Variants in ARB2A observed in about 807,000 individuals in gnomAD.
ARB2A encodes ARB2 cotranscriptional regulator A, also known as cotranscriptional regulator ARB2A.
chr5:94,052,314 T>C, the ARB2A span, among the ~76,000 whole-genome samples: 1 of 152,210 alleles, frequency 6.6e-6, no homozygotes, highest in African/African-American at 2.4e-5. Context: ...TGGTATAAAA[T>C]AACTTTTATT....
the ARB2A span, among the ~76,000 whole-genome samples, chr5:93,955,913 G>A: frequency 1.3e-5 from 2 of 152,118 alleles, no homozygotes; most frequent in Admixed American, 1.3e-4. Flanking sequence ...AGAGACCAGT[G>A]GAAATGCCTA....
At chr5:94,069,677 T>A in the ARB2A span, among the ~76,000 whole-genome samples, 1 of 152,288 alleles carries the variant, frequency 6.6e-6, no homozygotes, top group East Asian at 1.9e-4. Context: ...CCAATAGGTA[T>A]GTTAAAAAAC....
At chr5:94,094,493 A>G in the ARB2A span, among the ~76,000 whole-genome samples, 1 of 152,212 alleles carries the variant, frequency 6.6e-6, no homozygotes, top group Non-Finnish European at 1.5e-5. Flanking sequence ...GAGGGACATA[A>G]TTCAGTCAAT....
the ARB2A span, among the ~76,000 whole-genome samples, chr5:93,999,881 CCAAAATA>C: frequency 6.6e-6 from 1 of 152,068 alleles, no homozygotes. Context: ...TTTGCCTTTT[CCAAAATA>C]CCATATATTT....
At chr5:93,800,199 T>C in the ARB2A span, among the ~76,000 whole-genome samples, 1 of 152,152 alleles carries the variant, frequency 6.6e-6, no homozygotes, top group South Asian at 2.1e-4. Context: ...TATTCAGTTA[T>C]TTTACTGGTG....
chr5:93,880,309 A>T, the ARB2A span, among the ~76,000 whole-genome samples: 3 of 151,796 alleles, frequency 2.0e-5, no homozygotes, highest in Admixed American at 2.0e-4. Flanking sequence ...ACCTATAAAT[A>T]AAATATTTTG....
chr5:94,038,381 C>T, the ARB2A span, among the ~76,000 whole-genome samples: 4 of 151,988 alleles, frequency 2.6e-5, no homozygotes, highest in Non-Finnish European at 4.4e-5. Flanking sequence ...TACCACTTCA[C>T]ACCACTCTCC....
the ARB2A span, among the ~76,000 whole-genome samples, chr5:93,758,836 A>C: frequency 3.9e-5 from 6 of 152,180 alleles, no homozygotes; most frequent in African/African-American, 1.4e-4. Flanking sequence ...ACCTCAAGGA[A>C]CTAGAGAAAT....
the ARB2A span, among the ~76,000 whole-genome samples, chr5:93,935,554 T>C: frequency 6.6e-6 from 1 of 152,142 alleles, no homozygotes; most frequent in African/African-American, 2.4e-5. Flanking sequence ...GATGGTGATG[T>C]ATGAGGTTGG....
chr5:93,807,642 C>A, the ARB2A span, among the ~76,000 whole-genome samples: 1 of 151,810 alleles, frequency 6.6e-6, no homozygotes, highest in African/African-American at 2.4e-5. Flanking sequence ...TTTACATCTA[C>A]GTTTAAGAGA....
At chr5:94,058,432 A>C in the ARB2A span, among the ~76,000 whole-genome samples, 2 of 152,188 alleles carry the variant, frequency 1.3e-5, no homozygotes, top group Non-Finnish European at 2.9e-5. Context: ...GATAAAGATA[A>C]AGGAATTAGA....
At chr5:93,782,862 T>C in the ARB2A span, among the ~76,000 whole-genome samples, 7 of 152,102 alleles carry the variant, frequency 4.6e-5, no homozygotes, top group African/African-American at 9.7e-5. Flanking sequence ...TAAGGCTTAA[T>C]TGAGGGAACT....
At chr5:94,032,496 A>G in the ARB2A span, among the ~76,000 whole-genome samples, 4 of 152,188 alleles carry the variant, frequency 2.6e-5, no homozygotes, top group African/African-American at 4.8e-5. Flanking sequence ...CCCATGATCC[A>G]ATCGCTTCCC....
the ARB2A span, among the ~76,000 whole-genome samples, chr5:93,788,772 T>G: frequency 6.6e-6 from 1 of 152,160 alleles, no homozygotes; most frequent in Non-Finnish European, 1.5e-5. Context: ...AGGGAGATGT[T>G]GATGTTATAG....
At chr5:93,868,970 G>A in the ARB2A span, among the ~76,000 whole-genome samples, 1 of 152,066 alleles carries the variant, frequency 6.6e-6, no homozygotes, top group Non-Finnish European at 1.5e-5. Flanking sequence ...TATATACACA[G>A]ATAACCACTT....
At chr5:93,703,949 G>A in the ARB2A span, among the ~76,000 whole-genome samples, 4 of 152,134 alleles carry the variant, frequency 2.6e-5, no homozygotes, top group Admixed American at 6.5e-5. Context: ...GACTCCTGAT[G>A]TCTATCTGTC....
At chr5:93,931,285 T>G in the ARB2A span, among the ~76,000 whole-genome samples, 1 of 152,120 alleles carries the variant, frequency 6.6e-6, no homozygotes, top group Admixed American at 6.6e-5. Flanking sequence ...GACAACATGA[T>G]GAAACCCCGT....
chr5:94,031,052 T>C, the ARB2A span, among the ~76,000 whole-genome samples: 1 of 152,180 alleles, frequency 6.6e-6, no homozygotes, highest in Non-Finnish European at 1.5e-5. Context: ...CATTCTGTCA[T>C]AGCAACACAA....
the ARB2A span, among the ~76,000 whole-genome samples, chr5:94,069,729 AC>A: frequency 6.6e-6 from 1 of 152,192 alleles, no homozygotes. Context: ...AGCTAAAACC[AC>A]AATTAGATAT....
Sources: gnomAD v4.1 joint callset for allele counts (sites outside exome capture counted in the v4.1 genomes callset) on GRCh38, gnomAD v4.1.1 for gene constraint, MANE v1.5 for transcripts, NCBI Gene and HGNC (gene_info 2026-07-23, HGNC 2026-07-21) for gene names.